Variants in GLIS1 observed in about 807,000 individuals in gnomAD.
GLIS1 encodes the protein GLIS family zinc finger 1.
A neutral mutation model predicts 63.8 loss-of-function variants in GLIS1; 24 were observed. That is an observed-to-expected ratio of 0.38 (90% CI 0.27 to 0.53). GLIS1 has a LOEUF of 0.53. GLIS1 is among the 20% of genes least tolerant of loss of function. The pLI is 0.85. For missense variants in GLIS1, 1,036 were observed against 1,074.1 expected (o/e 0.96, Z 0.50); for synonymous variants, 450 against 482.5 (o/e 0.93, Z 0.88).
At chr1:53,693,848 A>G (rs1345665923) in intron 2 of GLIS1, among the ~76,000 whole-genome samples, 1 of 152,242 alleles carries the variant, frequency 6.6e-6, no homozygotes, top group Non-Finnish European at 1.5e-5. Flanking sequence ...CTAACCCTCC[A>G]GATGGCTGTG....
intron 2 of GLIS1, among the ~76,000 whole-genome samples, chr1:53,678,063 C>G (rs949386431): frequency 6.6e-6 from 1 of 152,130 alleles, no homozygotes; most frequent in East Asian, 1.9e-4. Context: ...CTGGCACCAC[C>G]GGCTCCTTGG....
chr1:53,575,123 G>A (rs1393910757), intron 4 of GLIS1, among the ~76,000 whole-genome samples: 1 of 152,210 alleles, frequency 6.6e-6, no homozygotes, highest in Non-Finnish European at 1.5e-5. Flanking sequence ...AAGATACTAT[G>A]TTCTTGGAAA....
At chr1:53,566,321 T>G (rs1008780287) in intron 4 of GLIS1, among the ~76,000 whole-genome samples, 2 of 151,992 alleles carry the variant, frequency 1.3e-5, no homozygotes, top group East Asian at 3.9e-4. Flanking sequence ...GACATAAAAG[T>G]ATATGTAGAA....
At chr1:53,522,470 G>A (rs1043532083) in intron 6 of GLIS1, among the ~76,000 whole-genome samples, 4 of 152,164 alleles carry the variant, frequency 2.6e-5, no homozygotes, top group Admixed American at 2.6e-4. Flanking sequence ...TAGAGCCTGG[G>A]CCATTCCCTG....
intron 2 of GLIS1, among the ~76,000 whole-genome samples, chr1:53,657,082 G>A (rs1352565192): frequency 6.6e-6 from 1 of 152,184 alleles, no homozygotes; most frequent in East Asian, 1.9e-4. Context: ...GCTGAAGCTG[G>A]GTCCCTGTTT....
intron 7 of GLIS1, among the ~76,000 whole-genome samples, chr1:53,515,079 A>ATG (rs5774151): frequency 0.022 from 3,108 of 142,040 alleles, 109 homozygotes; most frequent in African/African-American, 0.076. Context: ...GTGTGTGTAT[A>ATG]TGTGTGTGTG....
At chr1:53,728,028 T>C (rs910298) in intron 2 of GLIS1, among the ~76,000 whole-genome samples, 23,345 of 152,240 alleles carry the variant, frequency 0.15, 2,226 homozygotes, top group Non-Finnish European at 0.22. Flanking sequence ...GACTGGGCTG[T>C]ACTTCATTCC....
chr1:53,562,580 C>T (rs1644902818), intron 4 of GLIS1, among the ~76,000 whole-genome samples: 1 of 152,168 alleles, frequency 6.6e-6, no homozygotes, highest in South Asian at 2.1e-4. Context: ...TCAGCTGAGT[C>T]CCAGCCCACA....
At chr1:53,632,076 G>A (rs1277242935) in intron 2 of GLIS1, among the ~76,000 whole-genome samples, 1 of 151,432 alleles carries the variant, frequency 6.6e-6, no homozygotes, top group Non-Finnish European at 1.5e-5. Flanking sequence ...ATGTGTGAAT[G>A]AGTGTGACTG....
chr1:53,652,114 T>C (rs1222722837), intron 2 of GLIS1, among the ~76,000 whole-genome samples: 1 of 152,210 alleles, frequency 6.6e-6, no homozygotes, highest in East Asian at 1.9e-4. Context: ...ATCTCAGATA[T>C]GCACTTCCTA....
intron 4 of GLIS1, among the ~76,000 whole-genome samples, chr1:53,544,452 C>T (rs1189962238): frequency 6.6e-6 from 1 of 152,216 alleles, no homozygotes; most frequent in African/African-American, 2.4e-5. Flanking sequence ...TCCCTGGCCC[C>T]CCACCTCTAG....
In GLIS1 at chr1:53,529,970, G is replaced by T; in HGVS notation, c.1321-18C>A. The T allele has an allele frequency of 1.2e-6, 2 of 1,609,980 alleles. No homozygotes were observed. The highest frequency in any genetic ancestry group is 1.7e-6 in the Non-Finnish European group (2 of 1,178,026). ...CCTTCAAACTGCAGGAGAGGCTGGT[G>T]AGGGGAACTCCCAGCCCGGTGGGCA... is the stretch of plus-strand genomic sequence containing the variant. On this transcript the variant is annotated intron_variant, in intron 4 of 10. Transcript: ENST00000628545.
At position 53,594,140 on chromosome 1, in the gene GLIS1, C is replaced by G. The variant is rs143152577; in HGVS notation, c.1288G>C (p.Val430Leu). 6 of 1,613,118 alleles carry G rather than the reference C, an allele frequency of 3.7e-6. No individual in the cohort carries two copies. The African/African-American group carries it at 8.0e-5, about 22-fold the overall frequency. Reference protein sequence around the residue: ...ARYKLLIHMRVHSGEKPNKCM... With the variant: ...ARYKLLIHMRLHSGEKPNKCM... Reference sequence around the variant, plus strand: ...TTGTTGGGCTTCTCGCCCGAGTGCACTCGCATGTGGATGAGCAGCTTGTAG... The same window carrying G: ...TTGTTGGGCTTCTCGCCCGAGTGCAGTCGCATGTGGATGAGCAGCTTGTAG... Residue 430 changes from valine to leucine, a missense_variant, in exon 4 of 11, where the codon GTG becomes CTG. This residue lies in a region of GLIS1 where 592 missense variants were observed against 593.9 expected (regional missense o/e 1.00). Transcript: ENST00000628545.
chr1:53,701,071 T>C (rs538503830), intron 2 of GLIS1, among the ~76,000 whole-genome samples: 1 of 152,398 alleles, frequency 6.6e-6, no homozygotes, highest in East Asian at 1.9e-4. Context: ...TGAATAATAC[T>C]GCTATTAACA....
At chr1:53,683,062 G>A (rs1020561059) in intron 2 of GLIS1, among the ~76,000 whole-genome samples, 1 of 152,212 alleles carries the variant, frequency 6.6e-6, no homozygotes, top group Non-Finnish European at 1.5e-5. Flanking sequence ...CAGGTCAAGG[G>A]AATGGTCTGT....
intron 2 of GLIS1, among the ~76,000 whole-genome samples, chr1:53,625,379 C>T (rs1466910972): frequency 6.6e-6 from 1 of 152,180 alleles, no homozygotes; most frequent in Admixed American, 6.5e-5. Flanking sequence ...AGTAAGAAGT[C>T]AGGGGCTGGC....
At chr1:53,722,495 T>C (rs539471323) in intron 2 of GLIS1, among the ~76,000 whole-genome samples, 1 of 152,304 alleles carries the variant, frequency 6.6e-6, no homozygotes, top group Admixed American at 6.5e-5. Context: ...TTCCAAATTT[T>C]GGACCATTTT....
chr1:53,728,824 G>A (rs1379340398), intron 2 of GLIS1, among the ~76,000 whole-genome samples: 1 of 152,238 alleles, frequency 6.6e-6, no homozygotes, highest in Non-Finnish European at 1.5e-5. Context: ...GCAAGAGATG[G>A]AACTGGCCCG....
chr1:53,690,447 C>A (rs1330044069), intron 2 of GLIS1, among the ~76,000 whole-genome samples: 1 of 152,228 alleles, frequency 6.6e-6, no homozygotes, highest in Non-Finnish European at 1.5e-5. Flanking sequence ...CAAATGGCCT[C>A]TGCCTGAACT....
Sources: allele counts gnomAD v4.1 joint callset (sites outside exome capture counted in the v4.1 genomes callset), GRCh38; gene constraint gnomAD v4.1.1; regional missense constraint gnomAD v4.1.1; transcripts MANE v1.5; gene names NCBI Gene and HGNC (gene_info 2026-07-23, HGNC 2026-07-21).